DCAF4: variants seen among roughly 807,000 people sequenced by gnomAD.
DCAF4 encodes DDB1 and CUL4 associated factor 4.
A neutral mutation model predicts 60.9 loss-of-function variants in DCAF4; 37 were observed. That is an observed-to-expected ratio of 0.61 (90% CI 0.47 to 0.80). DCAF4 has a LOEUF of 0.80. Ranked by LOEUF, DCAF4 falls within the 30% of genes least tolerant of loss-of-function variation. The pLI is 0.00. For synonymous variants in DCAF4, 243 were observed against 254.8 expected, an observed-to-expected ratio of 0.95 and a Z score of 0.44; for missense variants, 577 against 650.0, an observed-to-expected ratio of 0.89 and a Z score of 1.22.
At chr14:72,933,850 C>T (rs1337958014) in intron 1 of DCAF4, among the ~76,000 whole-genome samples, 1 of 152,232 alleles carries the variant, frequency 6.6e-6, no homozygotes. Context: ...CTCCACCTCT[C>T]CCATGAAATT....
intron 1 of DCAF4, among the ~76,000 whole-genome samples, chr14:72,930,512 G>T (rs1175814316): frequency 6.6e-6 from 1 of 152,110 alleles, no homozygotes; most frequent in Non-Finnish European, 1.5e-5. Context: ...CAAGTGATCC[G>T]CCAGTCCCAG....
chr14:72,938,934 CTG>C (rs1002834990), intron 2 of DCAF4, among the ~76,000 whole-genome samples: 3 of 151,976 alleles, frequency 2.0e-5, no homozygotes, highest in African/African-American at 7.2e-5. Context: ...AGGTCTCACT[CTG>C]TTGCTCAGGC....
At chr14:72,941,117 C>T (rs1478878504) in intron 4 of DCAF4, among the ~76,000 whole-genome samples, 1 of 152,114 alleles carries the variant, frequency 6.6e-6, no homozygotes, top group Non-Finnish European at 1.5e-5. Flanking sequence ...GAACCTGCCA[C>T]CATGCCCAGC....
Position 72,953,824 on chromosome 14 carries a change from GTGTGTA to G in DCAF4, c.809-338_809-333del, listed in dbSNP as rs1247016790. 1.6e-3 allele frequency among the ~76,000 whole-genome samples: 154 copies of G among 94,778 alleles called. 3 individuals are homozygous for G. The highest frequency in any genetic ancestry group is 6.3e-3 in the African/African-American group (146 of 23,042). The allele number at this position is 94,778 out of a possible 152,430, so 62.2% of individuals were successfully genotyped here. On this transcript the variant is annotated intron_variant, in intron 9 of 13. Coordinates refer to ENST00000358377, the MANE Select transcript of DCAF4 (RefSeq NM_015604.4). ...TGTGTGTGTGTGTGTGTGTGTGTGT[GTGTGTA>G]TATACACACACACTTGCCTGAGATC...
At chr14:72,945,441 G>A (rs1298541834) in intron 6 of DCAF4, among the ~76,000 whole-genome samples, 3 of 148,802 alleles carry the variant, frequency 2.0e-5, no homozygotes, top group Non-Finnish European at 3.0e-5. Flanking sequence ...TCTATTGCAC[G>A]TTTTATTCAA....
At chr14:72,931,987 TC>T (rs377287966) in intron 1 of DCAF4, among the ~76,000 whole-genome samples, 10,869 of 130,902 alleles carry the variant, frequency 0.083, 549 homozygotes, top group South Asian at 0.19. Flanking sequence ...TATTTTTCCT[TC>T]TTTTTTTTTT....
chr14:72,953,782 TTGTGTGTGTGTGTGTG>T lies in DCAF4; in HGVS notation c.809-350_809-335del, dbSNP rs149574612. 2.2e-3 allele frequency among the ~76,000 whole-genome samples: 92 copies of T among 41,124 alleles called. 5 individuals carry two copies. The highest frequency in any genetic ancestry group is 3.0e-3 in the East Asian group (3 of 1,014). 27.0% of individuals were successfully genotyped at this position (41,124 alleles called of 152,430 possible). A position where few individuals can be genotyped will look rare whatever the true frequency, so the allele number is the denominator to read the frequency against. Reference sequence around the variant, plus strand: ...ATATATAGTTTATTTATTTATTTATTTGTGTGTGTGTGTGTGTGTGTGTGTGTGTGTGTGTGTGTGT... The same window carrying T: ...ATATATAGTTTATTTATTTATTTATTTGTGTGTGTGTGTGTGTGTGTGTGT... On this transcript the variant is annotated intron_variant, in intron 9 of 13. Coordinates refer to ENST00000358377, the MANE Select transcript of DCAF4 (RefSeq NM_015604.4).
At chr14:72,951,997 G>A (rs747802518) in intron 9 of DCAF4, 120 bp downstream of exon 9, 31 of 1,051,926 alleles carry the variant, frequency 2.9e-5, no homozygotes, top group Middle Eastern at 2.6e-4. Context: ...CCCTAAGCCT[G>A]TCCCAGGGTT....
intron 4 of DCAF4, 143 bp downstream of exon 4, chr14:72,940,520 C>A: frequency 1.3e-6 from 1 of 769,200 alleles, no homozygotes; most frequent in Non-Finnish European, 1.9e-6. Flanking sequence ...TTTTCCCTGA[C>A]AGGAAGAAGA....
Position 72,947,170 on chromosome 14 carries a change from A to G in DCAF4, c.707A>G (p.Asn236Ser). 1.2e-6 allele frequency: 2 copies of G among 1,614,062 alleles called. No homozygotes were observed. The highest frequency in any genetic ancestry group is 1.7e-6 in the Non-Finnish European group (2 of 1,179,980). Residue 236 changes from asparagine (N) to serine (S), a missense_variant, in exon 8 of 14, where the codon AAT becomes AGT. Physicochemically the swap from Asn to Ser is conservative, Grantham distance 46. Coordinates refer to ENST00000358377, the MANE Select transcript of DCAF4 (RefSeq NM_015604.4). ...KVNSVCWASL[N>S]HLDSHILLCL... ...AATTCGGTGTGCTGGGCCTCGCTGA[A>G]TCACTTGGATTCCCACATTCTGTAT...
At chr14:72,935,130 T>C (rs908254550) in intron 1 of DCAF4, 3 of 152,194 alleles carry the variant, frequency 2.0e-5, no homozygotes, top group Admixed American at 6.5e-5. Context: ...ACTGTGTTTG[T>C]GTTTAGAGAA....
rs141855816 is a variant in DCAF4 at position 72,942,747 on chromosome 14, C to G, written c.432-247C>G. 2,626 of 493,218 alleles carry G rather than the reference C, an allele frequency of 5.3e-3. 11 individuals carry two copies. The highest frequency in any genetic ancestry group is 7.8e-3 in the Non-Finnish European group (2,132 of 271,934). 30.6% of individuals were successfully genotyped at this position (493,218 alleles called of 1,614,324 possible). A position where few individuals can be genotyped will look rare whatever the true frequency, so the allele number is the denominator to read the frequency against. ...CTGAATGATGCAGACACAACTCCCTCTAACTCCCACTCTTTGACTCTGCAA... is the reference window on the plus strand; with the variant it reads ...CTGAATGATGCAGACACAACTCCCTGTAACTCCCACTCTTTGACTCTGCAA... On this transcript the variant is annotated intron_variant, in intron 5 of 13. Coordinates refer to ENST00000358377, the MANE Select transcript of DCAF4 (RefSeq NM_015604.4).
chr14:72,940,120 ACAGG>A (rs1889827339), intron 3 of DCAF4, 96 bp from the exon 4 acceptor site: 5 of 1,488,412 alleles, frequency 3.4e-6, no homozygotes, highest in Non-Finnish European at 3.7e-6. Flanking sequence ...CTCAGAAAAG[ACAGG>A]CAGCCACGAG....
intron 6 of DCAF4, among the ~76,000 whole-genome samples, chr14:72,943,942 G>T (rs576583823): frequency 1.3e-5 from 2 of 152,198 alleles, no homozygotes; most frequent in Non-Finnish European, 2.9e-5. Flanking sequence ...CATGTAAGGG[G>T]TGTTGGGGAC....
intron 13 of DCAF4, chr14:72,956,820 A>C (rs1892362295): frequency 3.2e-6 from 1 of 314,228 alleles, no homozygotes; most frequent in Admixed American, 4.7e-5. Context: ...GCATTATTCC[A>C]CCACGCAACT....
chr14:72,927,451 A>C (rs1218394118), intron 1 of DCAF4, among the ~76,000 whole-genome samples: 1 of 144,670 alleles, frequency 6.9e-6, no homozygotes, highest in Non-Finnish European at 1.5e-5. Flanking sequence ...CCCGGGGTTC[A>C]CGCCATTCTC....
intron 8 of DCAF4, among the ~76,000 whole-genome samples, chr14:72,948,437 A>G (rs1446788939): frequency 2.0e-5 from 3 of 152,226 alleles, no homozygotes; most frequent in African/African-American, 7.2e-5. Flanking sequence ...TGTGTTCTCT[A>G]AATTGCAAAT....
At chr14:72,951,201 G>A (rs1304449698) in intron 8 of DCAF4, among the ~76,000 whole-genome samples, 2 of 151,960 alleles carry the variant, frequency 1.3e-5, no homozygotes, top group South Asian at 2.1e-4. Context: ...GGCTGGTCTC[G>A]AACTCCTGGA....
At chr14:72,926,832 C>T (rs1464309897) in intron 1 of DCAF4, 1 of 152,438 alleles carries the variant, frequency 6.6e-6, no homozygotes, top group African/African-American at 2.4e-5. Flanking sequence ...GGGCGTTTCT[C>T]TAAGCGCTTC....
Sources: gnomAD v4.1 joint callset for allele counts (sites outside exome capture counted in the v4.1 genomes callset) on GRCh38, gnomAD v4.1.1 for gene constraint, MANE v1.5 for transcripts, NCBI Gene and HGNC (gene_info 2026-07-23, HGNC 2026-07-21) for gene names.